Variants in AGBL4 observed in about 807,000 individuals in gnomAD.
AGBL4 encodes the protein cytosolic carboxypeptidase 6.
AGBL4 carries 58 observed loss-of-function variants against 66.4 expected under a neutral mutation model. That is an observed-to-expected ratio of 0.87 (90% confidence interval 0.71 to 1.09). The LOEUF (loss-of-function observed/expected upper bound fraction) is 1.09. Among genes scored for constraint, AGBL4 ranks in the 50% least tolerant of loss-of-function variants. AGBL4 has a pLI of 0.00. For missense variants in AGBL4, 579 were observed against 631.0 expected (o/e 0.92, Z 0.88); for synonymous variants, 234 against 222.9 (o/e 1.05, Z -0.44).
rs191795380 is a variant in AGBL4 at position 49,359,637 on chromosome 1, G to A, written c.283-113773C>T. Reference sequence around the variant, plus strand: ...CCAGACATCAGTATGTCTCCACTGCGTGCATGGAGAACACTGTAGGCAAAA... The same window carrying A: ...CCAGACATCAGTATGTCTCCACTGCATGCATGGAGAACACTGTAGGCAAAA... On this transcript the variant is annotated intron_variant, in intron 3 of 13. Coordinates refer to ENST00000371839, the MANE Select transcript of AGBL4 (RefSeq NM_032785.4). Among the ~76,000 whole-genome samples, 879 of 152,216 alleles carry A rather than the reference G, an allele frequency of 5.8e-3. 7 individuals carry two copies. The highest frequency in any genetic ancestry group is 0.013 in the Admixed American group (192 of 15,280).
chr1:49,812,029 T>C (rs1267700889), intron 2 of AGBL4, among the ~76,000 whole-genome samples: 1 of 152,176 alleles, frequency 6.6e-6, no homozygotes, highest in African/African-American at 2.4e-5. Flanking sequence ...TTTTCTGTTG[T>C]GGTTGTTATT....
chr1:49,748,812 G>T (rs1651210821), intron 2 of AGBL4, among the ~76,000 whole-genome samples: 1 of 152,112 alleles, frequency 6.6e-6, no homozygotes, highest in South Asian at 2.1e-4. Flanking sequence ...CTTCTTTTGA[G>T]AAGTGTCCGT....
chr1:49,973,922 A>G (rs541792558), intron 1 of AGBL4, among the ~76,000 whole-genome samples: 21 of 152,052 alleles, frequency 1.4e-4, no homozygotes, highest in African/African-American at 4.3e-4. Context: ...TGGAGAAATA[A>G]TAATTATTTA....
chr1:49,225,244 T>C (rs1431190560), intron 4 of AGBL4, among the ~76,000 whole-genome samples: 2 of 152,226 alleles, frequency 1.3e-5, no homozygotes, highest in African/African-American at 4.8e-5. Context: ...CCCACTAGAC[T>C]ATAACTTTCT....
intron 9 of AGBL4, among the ~76,000 whole-genome samples, chr1:48,623,050 C>T (rs1353951601): frequency 6.6e-6 from 1 of 152,146 alleles, no homozygotes; most frequent in Admixed American, 6.5e-5. Flanking sequence ...TGGAGAGAAG[C>T]CCCCTCAGAC....
At chr1:48,845,426 A>G (rs1361569738) in intron 6 of AGBL4, among the ~76,000 whole-genome samples, 1 of 152,236 alleles carries the variant, frequency 6.6e-6, no homozygotes, top group Non-Finnish European at 1.5e-5. Flanking sequence ...ATGCACCTCC[A>G]GTGAGGAGCA....
At chr1:49,379,882 T>C (rs913810146) in intron 3 of AGBL4, among the ~76,000 whole-genome samples, 1 of 152,136 alleles carries the variant, frequency 6.6e-6, no homozygotes, top group Non-Finnish European at 1.5e-5. Context: ...ATCAGGATGA[T>C]GCTGGCCTCA....
At chr1:49,789,227 G>T (rs1644534014) in intron 2 of AGBL4, among the ~76,000 whole-genome samples, 1 of 152,198 alleles carries the variant, frequency 6.6e-6, no homozygotes, top group Admixed American at 6.5e-5. Flanking sequence ...TTAATGTGCT[G>T]CTGGATTCGA....
chr1:49,878,856 C>T (rs1398323380), intron 1 of AGBL4, among the ~76,000 whole-genome samples: 3 of 121,740 alleles, frequency 2.5e-5, no homozygotes, highest in African/African-American at 9.9e-5. Context: ...GTATTGGGTG[C>T]ATATATATTT....
the AGBL4 span, among the ~76,000 whole-genome samples, chr1:48,523,108 G>T: frequency 6.6e-6 from 1 of 152,110 alleles, no homozygotes; most frequent in Non-Finnish European, 1.5e-5. Flanking sequence ...TACTTCAACA[G>T]ATTCCATTTT....
At chr1:49,909,189 A>G (rs896011317) in intron 1 of AGBL4, among the ~76,000 whole-genome samples, 2 of 152,176 alleles carry the variant, frequency 1.3e-5, no homozygotes, top group Non-Finnish European at 1.5e-5. Flanking sequence ...TAAAGAATAA[A>G]TAATATTTGT....
intron 3 of AGBL4, among the ~76,000 whole-genome samples, chr1:49,695,149 G>C (rs1244549100): frequency 6.6e-6 from 1 of 152,054 alleles, no homozygotes; most frequent in Non-Finnish European, 1.5e-5. Flanking sequence ...AAGAGGAAAA[G>C]AATAATTCCC....
chr1:49,635,506 C>T (rs1317463043), intron 3 of AGBL4, among the ~76,000 whole-genome samples: 1 of 152,106 alleles, frequency 6.6e-6, no homozygotes, highest in Admixed American at 6.6e-5. Context: ...AAATGACTTG[C>T]ATCTGGAATA....
chr1:49,949,721 C>T (rs1210569953), intron 1 of AGBL4, among the ~76,000 whole-genome samples: 1 of 151,308 alleles, frequency 6.6e-6, no homozygotes, highest in Non-Finnish European at 1.5e-5. Flanking sequence ...GGTGTGGATG[C>T]AGTGAACAGG....
At chr1:48,631,257 G>C (rs1360491940) in intron 9 of AGBL4, among the ~76,000 whole-genome samples, 1 of 152,226 alleles carries the variant, frequency 6.6e-6, no homozygotes. Context: ...TCTTAGGGCA[G>C]ATGCCTCAGG....
At chr1:49,707,367 CTTTTTTT>C (rs34368394) in intron 2 of AGBL4, among the ~76,000 whole-genome samples, 2 of 76,218 alleles carry the variant, frequency 2.6e-5, no homozygotes, top group African/African-American at 1.0e-4. Flanking sequence ...GCAACCCCTG[CTTTTTTT>C]TTTTTTTTTT....
At chr1:49,824,309 A>G (rs898110880) in intron 2 of AGBL4, among the ~76,000 whole-genome samples, 9 of 152,224 alleles carry the variant, frequency 5.9e-5, no homozygotes, top group Non-Finnish European at 1.3e-4. Flanking sequence ...AGAGAAGTAC[A>G]GGATATGGTT....
At chr1:49,992,549 C>T (rs867974415) in intron 1 of AGBL4, among the ~76,000 whole-genome samples, 3 of 151,654 alleles carry the variant, frequency 2.0e-5, no homozygotes, top group Middle Eastern at 3.4e-3. Flanking sequence ...CATACTAGCT[C>T]CCAATAACAC....
chr1:49,222,008 A>C (rs1649534239), intron 4 of AGBL4, among the ~76,000 whole-genome samples: 2 of 152,152 alleles, frequency 1.3e-5, no homozygotes, highest in South Asian at 4.1e-4. Context: ...GAAGGGCCTA[A>C]TTCCTAATTA....
Sources: allele counts gnomAD v4.1 joint callset (sites outside exome capture counted in the v4.1 genomes callset), GRCh38; gene constraint gnomAD v4.1.1; transcripts MANE v1.5; gene names NCBI Gene and HGNC (gene_info 2026-07-23, HGNC 2026-07-21).